Variants in SPOCK3 observed in about 807,000 individuals in gnomAD.
SPOCK3 encodes the protein SPARC (osteonectin), cwcv and kazal like domains proteoglycan 3.
SPOCK3 carries 30 observed loss-of-function variants against 56.6 expected under a neutral mutation model. The observed-to-expected ratio is 0.53, with a 90% CI of 0.40 to 0.72. The LOEUF is 0.72. SPOCK3 is among the 30% of genes least tolerant of loss of function. The pLI is 0.00. For synonymous variants in SPOCK3, 196 were observed against 183.3 expected (o/e 1.07, Z -0.56); for missense variants, 527 against 530.0 (o/e 0.99, Z 0.06).
At chr4:167,205,496 A>ATT (rs1491465580) in intron 2 of SPOCK3, among the ~76,000 whole-genome samples, 1 of 56,530 alleles carries the variant, frequency 1.8e-5, no homozygotes, top group African/African-American at 7.7e-5. Context: ...TATAATATAT[A>ATT]ATATATATTA....
At chr4:167,068,200 G>A (rs1024515145) in intron 2 of SPOCK3, among the ~76,000 whole-genome samples, 7 of 151,530 alleles carry the variant, frequency 4.6e-5, no homozygotes, top group Non-Finnish European at 8.9e-5. Context: ...AAATATCAAA[G>A]AAAGCAAACA....
At chr4:167,085,565 G>A (rs542220593) in intron 2 of SPOCK3, among the ~76,000 whole-genome samples, 3 of 152,180 alleles carry the variant, frequency 2.0e-5, no homozygotes, top group South Asian at 2.1e-4. Context: ...GCCATGTGGC[G>A]AAATTCATCG....
chr4:166,763,657 G>A (rs990862917), intron 7 of SPOCK3, among the ~76,000 whole-genome samples: 3 of 152,040 alleles, frequency 2.0e-5, no homozygotes, highest in African/African-American at 7.2e-5. Context: ...TGTGTGCTGG[G>A]GTAGGGAGGG....
intron 2 of SPOCK3, among the ~76,000 whole-genome samples, chr4:167,082,125 G>A (rs1279244559): frequency 6.6e-6 from 1 of 152,130 alleles, no homozygotes; most frequent in Non-Finnish European, 1.5e-5. Flanking sequence ...AGAGTTTGAA[G>A]CACATGTGTG....
At chr4:166,948,885 G>A (rs1742133200) in intron 4 of SPOCK3, among the ~76,000 whole-genome samples, 1 of 151,860 alleles carries the variant, frequency 6.6e-6, no homozygotes, top group Non-Finnish European at 1.5e-5. Flanking sequence ...TCTGAATGTT[G>A]GCCTGCCTTG....
chr4:167,101,934 G>A (rs757901760), intron 2 of SPOCK3, among the ~76,000 whole-genome samples: 4 of 151,528 alleles, frequency 2.6e-5, no homozygotes, highest in Non-Finnish European at 5.9e-5. Context: ...TGTTGACCTC[G>A]TGATCTGCCC....
Position 166,733,543 on chromosome 4 carries a change from G to A in SPOCK3, c.*1378C>T, listed in dbSNP as rs1018830570. 2.6e-5 allele frequency: 4 copies of A among 151,750 alleles called. No homozygotes were observed. Among genetic ancestry groups the A allele is most frequent in the African/African-American group, 9.7e-5 (4 of 41,390 alleles). 9.4% of individuals were successfully genotyped at this position (151,750 alleles called of 1,614,324 possible). A position where few individuals can be genotyped will look rare whatever the true frequency, so the allele number is the denominator to read the frequency against. Reference sequence around the variant, plus strand: ...TTTTGCTTTCAATGAATTGTATACTGGGAAACCAGTTTACCCACTGTTGAA... The same window carrying A: ...TTTTGCTTTCAATGAATTGTATACTAGGAAACCAGTTTACCCACTGTTGAA... On this transcript the variant is annotated 3_prime_UTR_variant, in exon 11 of 11. Coordinates refer to ENST00000357545, the MANE Select transcript of SPOCK3 (RefSeq NM_001040159.2).
At chr4:166,889,361 C>G (rs763451577) in intron 5 of SPOCK3, 117 bp from the exon 6 acceptor site, 13 of 639,926 alleles carry the variant, frequency 2.0e-5, no homozygotes, top group Non-Finnish European at 3.6e-5. Flanking sequence ...ATTTTTCCAC[C>G]AGGTAATACG....
intron 3 of SPOCK3, among the ~76,000 whole-genome samples, chr4:167,061,134 T>C (rs1471543959): frequency 6.6e-6 from 1 of 151,968 alleles, no homozygotes; most frequent in Admixed American, 6.6e-5. Flanking sequence ...TAAATTGCAA[T>C]TCAACACATT....
intron 7 of SPOCK3, among the ~76,000 whole-genome samples, chr4:166,765,220 GT>G (rs1560830694): frequency 6.6e-6 from 1 of 152,122 alleles, no homozygotes; most frequent in Non-Finnish European, 1.5e-5. Flanking sequence ...TCTGGCTTTT[GT>G]TGCCATTGCT....
intron 4 of SPOCK3, among the ~76,000 whole-genome samples, chr4:166,948,248 C>T (rs911280664): frequency 6.6e-6 from 1 of 152,028 alleles, no homozygotes; most frequent in Admixed American, 6.6e-5. Flanking sequence ...TTTTCTTTAC[C>T]CATTTATCTG....
intron 2 of SPOCK3, among the ~76,000 whole-genome samples, chr4:167,076,149 G>A (rs1757160953): frequency 6.6e-6 from 1 of 151,900 alleles, no homozygotes; most frequent in African/African-American, 2.4e-5. Context: ...TTTGGGTGGG[G>A]AGAAGAATGA....
intron 2 of SPOCK3, among the ~76,000 whole-genome samples, chr4:167,125,632 G>A (rs566928635): frequency 1.8e-4 from 28 of 152,064 alleles, no homozygotes; most frequent in Admixed American, 1.3e-4. Flanking sequence ...GGAGAATGGC[G>A]TGAACCCGGG....
chr4:166,769,586 A>G (rs1312561898), intron 7 of SPOCK3, among the ~76,000 whole-genome samples: 1 of 152,148 alleles, frequency 6.6e-6, no homozygotes, highest in Non-Finnish European at 1.5e-5. Context: ...GTGAGGTGTC[A>G]GTCTGCCCCT....
chr4:166,780,716 T>C lies in SPOCK3; in HGVS notation c.709+11454A>G, dbSNP rs1445993200. On this transcript the variant is annotated intron_variant, in intron 7 of 10. Transcript: ENST00000357545. ...GGCAATAGGATTTCTGAGAAAGTCC[T>C]ACCTTTGAGATTCAGATACATAGTA... Among the ~76,000 whole-genome samples the C allele has an allele frequency of 2.0e-5, 3 of 152,262 alleles. No homozygotes were observed. The South Asian group carries it at 6.2e-4, about 32-fold the overall frequency.
At chr4:166,873,405 T>G (rs766634980) in intron 6 of SPOCK3, among the ~76,000 whole-genome samples, 21 of 152,046 alleles carry the variant, frequency 1.4e-4, no homozygotes, top group Non-Finnish European at 2.5e-4. Flanking sequence ...GAACTTTGGG[T>G]GATAATGATA....
At chr4:166,852,154 T>G (rs7440741) in intron 6 of SPOCK3, among the ~76,000 whole-genome samples, 112,527 of 151,352 alleles carry the variant, frequency 0.74, 41,855 homozygotes, top group East Asian at 0.82. Context: ...TTGTGGGTTG[T>G]GGGGAGGGGG....
intron 6 of SPOCK3, among the ~76,000 whole-genome samples, chr4:166,823,617 G>A (rs1218793912): frequency 6.6e-6 from 1 of 152,078 alleles, no homozygotes; most frequent in Admixed American, 6.6e-5. Context: ...CAAGTCACTA[G>A]AGAGAAGAAT....
intron 4 of SPOCK3, among the ~76,000 whole-genome samples, chr4:166,952,882 T>G (rs1023303925): frequency 6.6e-6 from 1 of 151,736 alleles, no homozygotes; most frequent in African/African-American, 2.4e-5. Context: ...GCTAGCCATA[T>G]GTAGAAGGCT....
Sources: allele counts gnomAD v4.1 joint callset (sites outside exome capture counted in the v4.1 genomes callset), GRCh38; gene constraint gnomAD v4.1.1; transcripts MANE v1.5; gene names NCBI Gene and HGNC (gene_info 2026-07-23, HGNC 2026-07-21).